Variants in HTR1F observed in about 807,000 individuals in gnomAD.
The protein encoded by HTR1F is 5-hydroxytryptamine (serotonin) receptor 1F, G protein-coupled.
A neutral mutation model predicts 24.0 loss-of-function variants in HTR1F; 17 were observed. That is an observed-to-expected ratio of 0.71 (90% CI 0.48 to 1.06). The LOEUF is 1.06. HTR1F is among the 50% of genes least tolerant of loss of function. The pLI is 0.00. For synonymous variants in HTR1F, 186 were observed against 156.8 expected (o/e 1.19, Z -1.39); for missense variants, 391 against 427.8 (o/e 0.91, Z 0.76).
At chr3:87,857,439 A>C (rs2107221123) in intron 2 of HTR1F, among the ~76,000 whole-genome samples, 1 of 152,240 alleles carries the variant, frequency 6.6e-6, no homozygotes, top group Admixed American at 6.5e-5. Context: ...TATGACAAAT[A>C]CCTTCCAAAG....
chr3:87,932,640 A>T (rs1430605373), intron 2 of HTR1F, among the ~76,000 whole-genome samples: 1 of 152,146 alleles, frequency 6.6e-6, no homozygotes, highest in African/African-American at 2.4e-5. Context: ...ACACTCTCCC[A>T]AGACTAAACC....
At chr3:87,834,151 A>G (rs1194873253) in intron 2 of HTR1F, among the ~76,000 whole-genome samples, 1 of 152,208 alleles carries the variant, frequency 6.6e-6, no homozygotes, top group African/African-American at 2.4e-5. Context: ...ATATTTGGAT[A>G]TAAAACCCAA....
intron 2 of HTR1F, among the ~76,000 whole-genome samples, chr3:87,864,538 T>C (rs1289114917): frequency 3.3e-5 from 5 of 152,152 alleles, no homozygotes; most frequent in African/African-American, 1.2e-4. Flanking sequence ...AGAAAGACTG[T>C]AGGTATTCTA....
chr3:87,859,689 A>G (rs1172061008), intron 2 of HTR1F, among the ~76,000 whole-genome samples: 1 of 152,222 alleles, frequency 6.6e-6, no homozygotes, highest in Non-Finnish European at 1.5e-5. Context: ...TGTGCTCTCC[A>G]CAGTGGCTCA....
At chr3:87,871,046 A>C (rs1184073482) in intron 2 of HTR1F, among the ~76,000 whole-genome samples, 1 of 151,986 alleles carries the variant, frequency 6.6e-6, no homozygotes, top group East Asian at 1.9e-4. Flanking sequence ...CATGGAAGCA[A>C]AATAAATATT....
chr3:87,918,795 T>C (rs1248604709), intron 2 of HTR1F, among the ~76,000 whole-genome samples: 3 of 151,848 alleles, frequency 2.0e-5, no homozygotes, highest in Non-Finnish European at 2.9e-5. Flanking sequence ...AATGACCATA[T>C]TGATAAAAGC....
intron 2 of HTR1F, among the ~76,000 whole-genome samples, chr3:87,979,409 C>T (rs887270388): frequency 2.0e-5 from 3 of 152,042 alleles, no homozygotes; most frequent in Non-Finnish European, 2.9e-5. Context: ...GTCCTAAGTC[C>T]GGCAGCCACG....
intron 2 of HTR1F, among the ~76,000 whole-genome samples, chr3:87,870,276 C>T (rs9872903): frequency 2.0e-5 from 3 of 151,954 alleles, no homozygotes; most frequent in Non-Finnish European, 2.9e-5. Flanking sequence ...AAGGAATATT[C>T]TCAGGATGGT....
At chr3:87,852,288 A>G (rs1432046996) in intron 2 of HTR1F, among the ~76,000 whole-genome samples, 1 of 151,708 alleles carries the variant, frequency 6.6e-6, no homozygotes, top group Non-Finnish European at 1.5e-5. Flanking sequence ...CAAATTTTGT[A>G]TCAAGAATTC....
In HTR1F at chr3:87,993,485, G is replaced by C. The variant is rs777572991; in HGVS notation, c.*1635G>C. 1 of 166,812 alleles carries C rather than the reference G, an allele frequency of 6.0e-6. No individual in the cohort carries two copies. The allele number at this position is 166,812 out of a possible 1,614,324, so 10.3% of individuals were successfully genotyped here. A position where few individuals can be genotyped will look rare whatever the true frequency, so the allele number is the denominator to read the frequency against. On this transcript the variant is annotated 3_prime_UTR_variant, in exon 3 of 3. Coordinates refer to ENST00000319595, the MANE Select transcript of HTR1F (RefSeq NM_001322209.2). ...TGATGGTGCAGAGGAAAAACTGATC[G>C]CATCTTGTTTAGAAAAATCAGAAAT...
chr3:87,881,293 T>C (rs1039251196), intron 2 of HTR1F, among the ~76,000 whole-genome samples: 2 of 152,212 alleles, frequency 1.3e-5, no homozygotes, highest in African/African-American at 4.8e-5. Context: ...ATGCATGGCT[T>C]GGCGGGTCCC....
intron 2 of HTR1F, among the ~76,000 whole-genome samples, chr3:87,937,937 A>C (rs1224861648): frequency 1.3e-5 from 2 of 151,836 alleles, no homozygotes. Context: ...AGAAAAAAAA[A>C]AAAAAAGAAG....
Position 87,850,447 on chromosome 3 carries a change from G to A in HTR1F, c.-43+28323G>A, listed in dbSNP as rs370056274. On this transcript the variant is annotated intron_variant, in intron 2 of 2. Transcript: ENST00000319595. ...CACAGGAAGGGTAACATCACACACCGGGGCCTGTTGTGGGGTGGGGGGAGT... is the reference window on the plus strand; with the variant it reads ...CACAGGAAGGGTAACATCACACACCAGGGCCTGTTGTGGGGTGGGGGGAGT... 9.2e-5 allele frequency among the ~76,000 whole-genome samples: 14 copies of A among 151,858 alleles called. No individual in the cohort carries two copies. The South Asian group carries it at 1.7e-3, about 18-fold the overall frequency.
intron 1 of HTR1F, among the ~76,000 whole-genome samples, chr3:87,816,631 G>A (rs1329325028): frequency 6.6e-6 from 1 of 151,930 alleles, no homozygotes; most frequent in Non-Finnish European, 1.5e-5. Flanking sequence ...GGATTTTACA[G>A]CTCTTATTTG....
At chr3:87,973,502 G>A (rs1383301986) in intron 2 of HTR1F, among the ~76,000 whole-genome samples, 1 of 152,024 alleles carries the variant, frequency 6.6e-6, no homozygotes, top group Non-Finnish European at 1.5e-5. Flanking sequence ...ACTCCTCCCA[G>A]GCAAAACTGC....
At chr3:87,865,078 G>A (rs1705397600) in intron 2 of HTR1F, among the ~76,000 whole-genome samples, 1 of 152,084 alleles carries the variant, frequency 6.6e-6, no homozygotes, top group African/African-American at 2.4e-5. Context: ...TCATCTGCAT[G>A]AAGGTTAGTC....
chr3:87,967,481 C>T (rs1466933288), intron 2 of HTR1F, among the ~76,000 whole-genome samples: 1 of 151,638 alleles, frequency 6.6e-6, no homozygotes, highest in Non-Finnish European at 1.5e-5. Context: ...GAAAGTGGTA[C>T]CTCAAGGAGT....
intron 2 of HTR1F, among the ~76,000 whole-genome samples, chr3:87,903,869 C>T (rs1703591068): frequency 6.6e-6 from 1 of 152,138 alleles, no homozygotes; most frequent in South Asian, 2.1e-4. Context: ...AGACTTGGAA[C>T]CAACCCAAAT....
At chr3:87,881,408 G>A (rs1705795126) in intron 2 of HTR1F, among the ~76,000 whole-genome samples, 1 of 152,152 alleles carries the variant, frequency 6.6e-6, no homozygotes. Flanking sequence ...GGCTTGAGTA[G>A]GTAAACAAAG....
Sources: gnomAD v4.1 joint callset for allele counts (sites outside exome capture counted in the v4.1 genomes callset) on GRCh38, gnomAD v4.1.1 for gene constraint, MANE v1.5 for transcripts, NCBI Gene and HGNC (gene_info 2026-07-23, HGNC 2026-07-21) for gene names.